The following INPP5A variants were observed in gnomAD, a reference collection of about 807,000 sequenced individuals.
INPP5A encodes the protein inositol polyphosphate-5-phosphatase A, also known as 43 kDa inositol polyphosphate 5-phophatase.
Under a neutral mutation model 65.2 loss-of-function variants are expected in INPP5A, and 14 were observed. The ratio of observed to expected loss-of-function variants is 0.21; its 90% CI spans 0.14 to 0.34. INPP5A has a LOEUF of 0.34. Among genes scored for constraint, INPP5A ranks in the 10% least tolerant of loss-of-function variants. The probability of loss-of-function intolerance (pLI) is 1.00; values close to 1 mark genes in which losing one functional copy is unlikely to be tolerated. For synonymous variants in INPP5A, 207 were observed against 208.3 expected (o/e 0.99, Z 0.05); for missense variants, 431 against 545.6 (o/e 0.79, Z 2.09).
At chr10:132,554,107 G>C (rs1406204674) in intron 1 of INPP5A, among the ~76,000 whole-genome samples, 2 of 152,170 alleles carry the variant, frequency 1.3e-5, no homozygotes, top group Admixed American at 1.3e-4. Flanking sequence ...GGAATATTGA[G>C]TGGGATAGGG....
In INPP5A at chr10:132,603,481, T is replaced by C. The variant is rs2071802093; in HGVS notation, c.76-4434T>C. Among the ~76,000 whole-genome samples the C allele has an allele frequency of 6.6e-6, 1 of 152,162 alleles. No homozygotes were observed. The highest frequency in any genetic ancestry group is 2.1e-4 in the South Asian group (1 of 4,832). On this transcript the variant is annotated intron_variant, in intron 1 of 15. Coordinates refer to ENST00000368594, the MANE Select transcript of INPP5A (RefSeq NM_005539.5). The surrounding 1 kb of genome is among the most constrained non-coding windows in gnomAD (Gnocchi z 4.2). ...GCTGTGCTTCACCAGTTAAATTTAA[T>C]CCTGCTCAAATTGTCAGGAGAAACA...
At chr10:132,769,599 C>G (rs1846913638) in intron 12 of INPP5A, among the ~76,000 whole-genome samples, 1 of 152,214 alleles carries the variant, frequency 6.6e-6, no homozygotes, top group Non-Finnish European at 1.5e-5. Flanking sequence ...AGGGATGAGT[C>G]TTGCCCACTC....
chr10:132,552,595 G>A (rs2071070055), intron 1 of INPP5A, among the ~76,000 whole-genome samples: 2 of 138,912 alleles, frequency 1.4e-5, no homozygotes, highest in Non-Finnish European at 3.1e-5. Context: ...CCTTCTCAGA[G>A]CCTTGGTGGC....
At chr10:132,745,070 T>G (rs924010377) in intron 9 of INPP5A, among the ~76,000 whole-genome samples, 2 of 152,124 alleles carry the variant, frequency 1.3e-5, no homozygotes, top group Non-Finnish European at 2.9e-5. Flanking sequence ...AGAGGTGCAT[T>G]TGCCTCTGCT....
chr10:132,664,381 T>G (rs2072776083), intron 4 of INPP5A, among the ~76,000 whole-genome samples: 1 of 152,244 alleles, frequency 6.6e-6, no homozygotes, highest in Admixed American at 6.5e-5. Context: ...ATTTCTAGGC[T>G]TAATCCACAG....
intron 9 of INPP5A, among the ~76,000 whole-genome samples, chr10:132,733,726 C>T (rs11146484): frequency 0.024 from 3,643 of 152,140 alleles, 136 homozygotes; most frequent in African/African-American, 0.082. Context: ...GCCGGCCTCC[C>T]TCTGCGTGTG....
intron 5 of INPP5A, among the ~76,000 whole-genome samples, chr10:132,691,420 G>T (rs1251599928): frequency 6.6e-6 from 1 of 152,314 alleles, no homozygotes; most frequent in East Asian, 1.9e-4. Context: ...CGTGCTGTGC[G>T]CTCAGGCACG....
At chr10:132,717,167 G>A (rs1336839580) in intron 8 of INPP5A, among the ~76,000 whole-genome samples, 1 of 151,856 alleles carries the variant, frequency 6.6e-6, no homozygotes, top group Non-Finnish European at 1.5e-5. Flanking sequence ...GTGGTGGAGG[G>A]AGGGAGGGAG....
intron 3 of INPP5A, among the ~76,000 whole-genome samples, chr10:132,648,222 G>A (rs555935625): frequency 2.0e-5 from 3 of 152,394 alleles, no homozygotes; most frequent in Non-Finnish European, 2.9e-5. Flanking sequence ...CACGGAGGAC[G>A]CCGCCCTCAC....
At chr10:132,604,596 A>G (rs1055299561) in intron 1 of INPP5A, among the ~76,000 whole-genome samples, 5 of 152,194 alleles carry the variant, frequency 3.3e-5, no homozygotes, top group Admixed American at 1.3e-4. Flanking sequence ...TTCTTGTCAT[A>G]TCAATTCCTC....
chr10:132,542,170 G>A (rs1413581024), intron 1 of INPP5A, among the ~76,000 whole-genome samples: 1 of 152,274 alleles, frequency 6.6e-6, no homozygotes, highest in African/African-American at 2.4e-5. Flanking sequence ...CTGCCTGGTG[G>A]CCCTTCCTGC....
At chr10:132,635,210 C>A (rs1179178599) in intron 2 of INPP5A, among the ~76,000 whole-genome samples, 1 of 152,162 alleles carries the variant, frequency 6.6e-6, no homozygotes, top group Non-Finnish European at 1.5e-5. Context: ...CCAGTCTAGA[C>A]CACTAACCCT....
chr10:132,586,785 T>A (rs1220383845), intron 1 of INPP5A, among the ~76,000 whole-genome samples: 1 of 152,242 alleles, frequency 6.6e-6, no homozygotes, highest in Non-Finnish European at 1.5e-5. Context: ...AATTTCCATT[T>A]AAGTTGAACA....
At chr10:132,714,527 T>C (rs1343129093) in intron 8 of INPP5A, among the ~76,000 whole-genome samples, 2 of 152,148 alleles carry the variant, frequency 1.3e-5, no homozygotes, top group African/African-American at 2.4e-5. Flanking sequence ...TGCAGCCTCT[T>C]CCTGGTTTAA....
In INPP5A at chr10:132,637,837, G is replaced by C. The variant is rs77844178; in HGVS notation, c.118-8031G>C. ...TATCTGCAATGTGGGCTCCCGTCCT[G>C]TTCTGCCTCACGGTCGTTTTCCTCA... On this transcript the variant is annotated intron_variant, in intron 2 of 15. Transcript: ENST00000368594. The surrounding 1 kb of genome is among the most constrained non-coding windows in gnomAD (Gnocchi z 4.1). 0.015 allele frequency among the ~76,000 whole-genome samples: 2,267 copies of C among 152,238 alleles called. 30 individuals carry two copies. The highest frequency in any genetic ancestry group is 0.039 in the South Asian group (186 of 4,824).
chr10:132,782,656 C>A lies in INPP5A; in HGVS notation c.*627C>A, dbSNP rs1001643877. 3 of 151,864 alleles carry A rather than the reference C, an allele frequency of 2.0e-5. No homozygotes were observed. Among genetic ancestry groups the A allele is most frequent in the African/African-American group, 7.3e-5 (3 of 41,298 alleles). 9.4% of individuals were successfully genotyped at this position (151,864 alleles called of 1,614,324 possible). Reference sequence around the variant, plus strand: ...AAATAATTTATAAATCTTACCAAAACTTATGCTAAATATACTTTCCAGTAT... The same window carrying A: ...AAATAATTTATAAATCTTACCAAAAATTATGCTAAATATACTTTCCAGTAT... On this transcript the variant is annotated 3_prime_UTR_variant, in exon 16 of 16. Transcript: ENST00000368594. This position sits in a 1 kb window ranked among gnomAD's most constrained non-coding sequence, Gnocchi z 4.4.
chr10:132,558,471 A>G (rs765718597), intron 1 of INPP5A, among the ~76,000 whole-genome samples: 1 of 152,208 alleles, frequency 6.6e-6, no homozygotes, highest in African/African-American at 2.4e-5. Flanking sequence ...GCTCCTGTGC[A>G]GTAGAGACCG....
At chr10:132,642,285 T>C (rs2072435982) in intron 2 of INPP5A, among the ~76,000 whole-genome samples, 1 of 152,238 alleles carries the variant, frequency 6.6e-6, no homozygotes, top group East Asian at 1.9e-4. Context: ...GCACTTGCTC[T>C]GTGCAGTGTC....
rs376179315 is a variant in INPP5A, at chr10:132,571,742, A to G, written c.75+33571A>G. 2.6e-5 allele frequency among the ~76,000 whole-genome samples: 4 copies of G among 152,160 alleles called. No individual in the cohort carries two copies. The East Asian group carries it at 5.8e-4, about 22-fold the overall frequency. ...ACCTCGAGTGTCTGAAGGGAGACCT[A>G]TCATCTCCACAGCCCTGATGCCTGT... On this transcript the variant is annotated intron_variant, in intron 1 of 15. Coordinates refer to ENST00000368594, the MANE Select transcript of INPP5A (RefSeq NM_005539.5).
Sources: allele counts gnomAD v4.1 joint callset (sites outside exome capture counted in the v4.1 genomes callset), GRCh38; gene constraint gnomAD v4.1.1; non-coding constraint Gnocchi (gnomAD v3.1); transcripts MANE v1.5; gene names NCBI Gene and HGNC (gene_info 2026-07-23, HGNC 2026-07-21).